TMEM63B: variants seen among roughly 807,000 people sequenced by gnomAD.
The protein encoded by TMEM63B is transmembrane protein 63B.
TMEM63B carries 23 observed loss-of-function variants against 102.6 expected under a neutral mutation model. That is an observed-to-expected ratio of 0.22 (90% confidence interval 0.16 to 0.32). The LOEUF (loss-of-function observed/expected upper bound fraction) is 0.32. TMEM63B is among the 10% of genes least tolerant of loss of function. The pLI, the probability that TMEM63B is intolerant of heterozygous loss-of-function variation, is 1.00. For synonymous variants in TMEM63B, 444 were observed against 437.0 expected (o/e 1.02, Z -0.20); for missense variants, 628 against 1,095.9 (o/e 0.57, Z 6.03).
At chr6:44,141,603 TA>T (rs2128240201) in intron 10 of TMEM63B, among the ~76,000 whole-genome samples, 1 of 152,190 alleles carries the variant, frequency 6.6e-6, no homozygotes, top group South Asian at 2.1e-4. Context: ...GGAGGTGGTA[TA>T]ATGAGGCAAA....
At chr6:44,129,500 A>G (rs1038942087) in intron 1 of TMEM63B, among the ~76,000 whole-genome samples, 3 of 152,244 alleles carry the variant, frequency 2.0e-5, no homozygotes, top group Admixed American at 6.5e-5. Context: ...TAATTGATCA[A>G]TAATGGGTTA....
chr6:44,126,633 G>A (rs1777087894), upstream of TMEM63B, among the ~76,000 whole-genome samples: 1 of 150,996 alleles, frequency 6.6e-6, no homozygotes, highest in South Asian at 2.1e-4. Flanking sequence ...CGTCTCTTAC[G>A]GTGGCAAAGT....
Position 44,150,640 on chromosome 6 carries a change from G to A in TMEM63B, c.1673+11G>A, listed in dbSNP as rs1373168805. ...AGCTATTCGGTTTGAGTGAGTGACT[G>A]GGGCCCCTAGGGAAAGAGACCAGAC... On this transcript the variant is annotated intron_variant, in intron 18 of 23. Transcript: ENST00000323267. This position sits in a 1 kb window ranked among gnomAD's most constrained non-coding sequence, Gnocchi z 4.7. 1.2e-6 allele frequency: 2 copies of A among 1,613,682 alleles called. No homozygotes were observed. Among genetic ancestry groups the A allele is most frequent in the Non-Finnish European group, 1.7e-6 (2 of 1,179,794 alleles).
intron 1 of TMEM63B, among the ~76,000 whole-genome samples, chr6:44,128,855 G>C (rs1473010566): frequency 6.6e-6 from 1 of 152,222 alleles, no homozygotes; most frequent in Middle Eastern, 3.2e-3. Flanking sequence ...CATGCCCCAG[G>C]TGGCACATGC....
At chr6:44,137,690 A>AT (rs34749484) in intron 5 of TMEM63B, among the ~76,000 whole-genome samples, 531 of 143,854 alleles carry the variant, frequency 3.7e-3, no homozygotes, top group Middle Eastern at 0.029. Flanking sequence ...GAGGGGAGAG[A>AT]TTTTTTTTTT....
In TMEM63B at chr6:44,139,413, C is replaced by T. The variant is rs575197570; in HGVS notation, c.408-54C>T. On this transcript the variant is annotated intron_variant, in intron 6 of 23. Coordinates refer to ENST00000323267, the MANE Select transcript of TMEM63B (RefSeq NM_018426.3). Reference sequence around the variant, plus strand: ...GGGTGAGGGCAGGCAAGTTGCAGCCCCCTTCTTGCCCTGGTCCTAACCTAA... The same window carrying T: ...GGGTGAGGGCAGGCAAGTTGCAGCCTCCTTCTTGCCCTGGTCCTAACCTAA... The T allele has an allele frequency of 4.4e-6, 7 of 1,598,316 alleles. No individual in the cohort carries two copies. The East Asian group carries it at 1.6e-4, about 36-fold the overall frequency.
In TMEM63B at chr6:44,148,472, C is replaced by A; in HGVS notation, c.1122-41C>A. 1 of 1,612,414 alleles carries A rather than the reference C, an allele frequency of 6.2e-7. No individual in the cohort carries two copies. The highest frequency in any genetic ancestry group is 8.5e-7 in the Non-Finnish European group (1 of 1,178,802). The stretch of plus-strand genomic sequence containing the variant: ...TCATGGCCTTCTGCCAGCAGTGTGG[C>A]CTCCAGGTGGGCCTGTGGTAACCAG... On this transcript the variant is annotated intron_variant, in intron 13 of 23. Coordinates refer to ENST00000323267, the MANE Select transcript of TMEM63B (RefSeq NM_018426.3). This position sits in a 1 kb window ranked among gnomAD's most constrained non-coding sequence, Gnocchi z 5.1.
intron 11 of TMEM63B, 117 bp from the exon 12 acceptor site, chr6:44,147,260 A>G (rs1765609114): frequency 6.5e-7 from 1 of 1,530,388 alleles, no homozygotes; most frequent in Admixed American, 1.8e-5. Flanking sequence ...CACATCTGAA[A>G]CATGTATCCT....
Position 44,141,193 on chromosome 6 carries a change from C to T in TMEM63B, c.782+95C>T, listed in dbSNP as rs911526975. 1.7e-5 allele frequency: 22 copies of T among 1,270,138 alleles called. No homozygotes were observed. In the African/African-American group the frequency reaches 3.3e-4, roughly 19 times the overall value. 78.7% of individuals were successfully genotyped at this position (1,270,138 alleles called of 1,614,324 possible). On this transcript the variant is annotated intron_variant, in intron 10 of 23. Coordinates refer to ENST00000323267, the MANE Select transcript of TMEM63B (RefSeq NM_018426.3). ...AACATCCTTATACCCTAGCCTGGAG[C>T]TCTGCCGTGGGTGGGATAGAGATTA...
chr6:44,141,154 C>T (rs1764179308), intron 10 of TMEM63B, 56 bp downstream of exon 10: 5 of 1,527,724 alleles, frequency 3.3e-6, no homozygotes, highest in African/African-American at 1.4e-5. Context: ...CCTTCTCTGC[C>T]TTTGAACTCT....
intron 1 of TMEM63B, among the ~76,000 whole-genome samples, chr6:44,129,506 G>T (rs1777885795): frequency 6.6e-6 from 1 of 152,108 alleles, no homozygotes; most frequent in Admixed American, 6.5e-5. Flanking sequence ...ATCAATAATG[G>T]GTTATCATCT....
rs751957368 is a variant in TMEM63B, at chr6:44,152,022, G to C, written c.1836+14G>C. 1.6e-5 allele frequency: 26 copies of C among 1,587,244 alleles called. No individual in the cohort carries two copies. The African/African-American group carries it at 3.4e-4, about 21-fold the overall frequency. The stretch of plus-strand genomic sequence containing the variant: ...AACGTGAAGCGGGTACGGCCGCCTG[G>C]GGCAGCAGCGGCCCGCACAGCGCCC... On this transcript the variant is annotated intron_variant, in intron 19 of 23. Coordinates refer to ENST00000323267, the MANE Select transcript of TMEM63B (RefSeq NM_018426.3). The surrounding 1 kb of genome is among the most constrained non-coding windows in gnomAD (Gnocchi z 6.4).
At chr6:44,146,499 G>A (rs973922467) in intron 10 of TMEM63B, among the ~76,000 whole-genome samples, 4 of 141,980 alleles carry the variant, frequency 2.8e-5, no homozygotes, top group African/African-American at 9.9e-5. Flanking sequence ...CGCCCAGTCT[G>A]GAGTGCAGTG....
At chr6:44,136,624 T>C (rs760349039) in intron 5 of TMEM63B, among the ~76,000 whole-genome samples, 185 bp downstream of exon 5, 11 of 152,234 alleles carry the variant, frequency 7.2e-5, no homozygotes, top group African/African-American at 4.8e-5. Flanking sequence ...CTGGCTGCTG[T>C]CCTCTATGTC....
At chr6:44,128,056 C>T (rs1450704883) in intron 1 of TMEM63B, among the ~76,000 whole-genome samples, 1 of 151,690 alleles carries the variant, frequency 6.6e-6, no homozygotes, top group African/African-American at 2.4e-5. Context: ...TGTCCGCCGC[C>T]GTTTGGGGAA....
Position 44,138,504 on chromosome 6 carries a change from A to T in TMEM63B, c.394A>T (p.Ile132Phe). 3.1e-6 allele frequency: 5 copies of T among 1,614,096 alleles called. No homozygotes were observed. The highest frequency in any genetic ancestry group is 4.2e-6 in the Non-Finnish European group (5 of 1,179,986). ...DNGFCSWLTA[I>F]FRIKDDEIRD... ...GGGTTTCTGTTCCTGGCTGACAGCCATCTTCAGGATAAAGTAAGTGGACCA... is the reference window on the plus strand; with the variant it reads ...GGGTTTCTGTTCCTGGCTGACAGCCTTCTTCAGGATAAAGTAAGTGGACCA... Residue 132 changes from isoleucine to phenylalanine, a missense_variant, in exon 6 of 24, where the codon ATC (isoleucine) becomes TTC (phenylalanine). By Grantham distance (21) the Ile-to-Phe change is conservative (BLOSUM62 0). Coordinates refer to ENST00000323267, the MANE Select transcript of TMEM63B (RefSeq NM_018426.3).
intron 3 of TMEM63B, 35 bp from the exon 4 acceptor site, chr6:44,135,293 C>G (rs200273848): frequency 6.2e-7 from 1 of 1,604,052 alleles, no homozygotes; most frequent in Non-Finnish European, 8.5e-7. Context: ...GACTCTCCCC[C>G]GCCCCTGCTA....
intron 2 of TMEM63B, 81 bp from the exon 3 acceptor site, chr6:44,134,936 T>C: frequency 6.4e-7 from 1 of 1,559,502 alleles, no homozygotes; most frequent in African/African-American, 1.4e-5. Flanking sequence ...AGACAAGATT[T>C]TGGACCCTCT....
intron 1 of TMEM63B, among the ~76,000 whole-genome samples, chr6:44,130,497 G>A (rs1449435149): frequency 6.6e-6 from 1 of 150,676 alleles, no homozygotes; most frequent in Non-Finnish European, 1.5e-5. Flanking sequence ...GGAGTGCAGT[G>A]GCATGATCTT....
Sources: gnomAD v4.1 joint callset for allele counts (sites outside exome capture counted in the v4.1 genomes callset) on GRCh38, gnomAD v4.1.1 for gene constraint, Gnocchi (gnomAD v3.1) non-coding constraint, MANE v1.5 for transcripts, NCBI Gene and HGNC (gene_info 2026-07-23, HGNC 2026-07-21) for gene names.